The following SORT1 variants were observed in gnomAD, a reference collection of about 807,000 sequenced individuals.
SORT1 encodes the protein sortilin 1, also known as sortilin.
In SORT1, 39 loss-of-function variants were observed where a neutral mutation model predicts 101.7. That is an observed-to-expected ratio of 0.38 (90% CI 0.30 to 0.50). The LOEUF is 0.50. Among genes scored for constraint, SORT1 ranks in the 20% least tolerant of loss-of-function variants. The pLI is 0.90. For synonymous variants in SORT1, 396 were observed against 393.7 expected (o/e 1.01, Z -0.07); for missense variants, 878 against 1,040.4 (o/e 0.84, Z 2.15).
chr1:109,327,076 T>A lies in SORT1; in HGVS notation c.1559A>T (p.Glu520Val). 1 of 1,613,236 alleles carries A rather than the reference T, an allele frequency of 6.2e-7. No homozygotes were observed. The change falls in exon 13 of 20, where the codon GAA (glutamate) becomes GTA (valine). Residue 520 changes from glutamate to valine, a missense_variant. By Grantham distance (121) the Glu-to-Val change is moderately radical. Around this residue, in one of 2 missense-constraint regions of SORT1, gnomAD observed 684 missense variants for 894.5 expected, o/e 0.76. Coordinates refer to ENST00000256637, the MANE Select transcript of SORT1 (RefSeq NM_002959.7). ...CAGGATGGTGTAATAGTGGGGTCCT[T>A]CCAGCATCTTTGTCCAGGAGTAACC... is the stretch of plus-strand genomic sequence containing the variant. Reference protein sequence around the residue: ...DGGYSWTKMLEGPHYYTILDS... With the variant: ...DGGYSWTKMLVGPHYYTILDS...
intron 7 of SORT1, among the ~76,000 whole-genome samples, 187 bp from the exon 8 acceptor site, chr1:109,346,068 T>C (rs1343664186): frequency 6.6e-6 from 1 of 151,942 alleles, no homozygotes; most frequent in Non-Finnish European, 1.5e-5. Flanking sequence ...TCCCAGCACT[T>C]TGGGAGGCTG....
chr1:109,337,391 C>A (rs994487054), intron 10 of SORT1, among the ~76,000 whole-genome samples: 2 of 151,760 alleles, frequency 1.3e-5, no homozygotes, highest in East Asian at 2.0e-4. Flanking sequence ...GGATTACAGG[C>A]ACCTGCCGCC....
intron 10 of SORT1, among the ~76,000 whole-genome samples, chr1:109,340,477 G>T (rs1014576647): frequency 3.9e-5 from 6 of 152,118 alleles, no homozygotes; most frequent in Admixed American, 1.3e-4. Flanking sequence ...TCTGGAAATA[G>T]GGGTGATGGT....
At position 109,364,818 on chromosome 1, in the gene SORT1, C is replaced by G. The variant is rs1040280698; in HGVS notation, c.440+2590G>C. 2.0e-5 allele frequency among the ~76,000 whole-genome samples: 3 copies of G among 152,216 alleles called. No homozygotes were observed. The East Asian group carries it at 5.8e-4, about 29-fold the overall frequency. On this transcript the variant is annotated intron_variant, in intron 3 of 19. Coordinates refer to ENST00000256637, the MANE Select transcript of SORT1 (RefSeq NM_002959.7). ...TGATCATTGGCATGGCAGCAACTAACAGCACCAAGCTATTACTCCATGCCA... is the reference window on the plus strand; with the variant it reads ...TGATCATTGGCATGGCAGCAACTAAGAGCACCAAGCTATTACTCCATGCCA...
intron 1 of SORT1, 133 bp from the exon 2 acceptor site, chr1:109,369,722 G>A (rs1430534058): frequency 1.5e-6 from 1 of 656,332 alleles, no homozygotes; most frequent in Non-Finnish European, 2.8e-6. Flanking sequence ...TGGATTCCCA[G>A]TACAAAATTT....
At chr1:109,392,394 C>CA (rs1652968406) in intron 1 of SORT1, among the ~76,000 whole-genome samples, 1 of 152,156 alleles carries the variant, frequency 6.6e-6, no homozygotes, top group Admixed American at 6.6e-5. Flanking sequence ...GTGACCCTGA[C>CA]ATGAAAGATC....
At chr1:109,329,427 G>C (rs1648302578) in intron 11 of SORT1, among the ~76,000 whole-genome samples, 1 of 152,146 alleles carries the variant, frequency 6.6e-6, no homozygotes, top group African/African-American at 2.4e-5. Context: ...CTAATTTTTT[G>C]TATTTTTAGT....
chr1:109,393,168 A>G, intron 1 of SORT1: 1 of 985,408 alleles, frequency 1.0e-6, no homozygotes, highest in Non-Finnish European at 1.2e-6. Flanking sequence ...GCAAACAAAC[A>G]CACGCATTCT....
intron 1 of SORT1, among the ~76,000 whole-genome samples, chr1:109,372,382 T>TG (rs1380278858): frequency 1.3e-5 from 2 of 152,236 alleles, no homozygotes; most frequent in African/African-American, 4.8e-5. Context: ...CACAGCATAG[T>TG]GCACAGTGGG....
chr1:109,390,235 A>G (rs1439868247), intron 1 of SORT1, among the ~76,000 whole-genome samples: 1 of 152,220 alleles, frequency 6.6e-6, no homozygotes, highest in South Asian at 2.1e-4. Flanking sequence ...CCAAACTCCC[A>G]GTGAAACATC....
intron 9 of SORT1, among the ~76,000 whole-genome samples, 158 bp downstream of exon 9, chr1:109,341,856 A>AT (rs1381495103): frequency 6.6e-6 from 1 of 152,210 alleles, no homozygotes; most frequent in Non-Finnish European, 1.5e-5. Context: ...AACAAGTGGC[A>AT]TTTTTAACAG....
intron 1 of SORT1, among the ~76,000 whole-genome samples, chr1:109,375,026 G>A (rs894074555): frequency 6.6e-6 from 1 of 152,208 alleles, no homozygotes; most frequent in Admixed American, 6.5e-5. Flanking sequence ...TAGAAGAGGT[G>A]AGTGTGAACC....
At chr1:109,315,338 G>C (rs1237680879) in intron 17 of SORT1, among the ~76,000 whole-genome samples, 2 of 152,086 alleles carry the variant, frequency 1.3e-5, no homozygotes, top group Admixed American at 6.5e-5. Context: ...TGTTTTCAAT[G>C]TATCCCAGAG....
intron 3 of SORT1, among the ~76,000 whole-genome samples, chr1:109,365,406 T>C (rs967538305): frequency 1.3e-5 from 2 of 152,104 alleles, no homozygotes; most frequent in Non-Finnish European, 2.9e-5. Context: ...GAGGAGGGAA[T>C]TTATAATAGC....
chr1:109,327,518 T>A lies in SORT1; in HGVS notation c.1455A>T (p.Val485=). 6.2e-7 allele frequency: 1 copy of A among 1,604,766 alleles called. No homozygotes were observed. Residue 485 remains valine, a synonymous_variant, in exon 12 of 20, where the codon GTA becomes GTT. Coordinates refer to ENST00000256637, the MANE Select transcript of SORT1 (RefSeq NM_002959.7). ...CCTTACCATGAGCAATGACAATGCC[T>A]ACGGCATTCGGCTCTGAGAGTGGGG... is the stretch of plus-strand genomic sequence containing the variant. ...PMAPLSEPNA[V]GIVIAHGSVG...
chr1:109,317,985 A>T lies in SORT1; in HGVS notation c.2025-16T>A. 6.6e-7 allele frequency: 1 copy of T among 1,520,692 alleles called. No individual in the cohort carries two copies. Among genetic ancestry groups the T allele is most frequent in the Non-Finnish European group, 9.1e-7 (1 of 1,095,102 alleles). 94.2% of individuals were successfully genotyped at this position (1,520,692 alleles called of 1,614,324 possible). A position where few individuals can be genotyped will look rare whatever the true frequency, so the allele number is the denominator to read the frequency against. ...GCCAAAATCACTGCAAGAGTCAGCA[A>T]ATAAAGTACCTTTCAAAGCAGCTGG... is the stretch of plus-strand genomic sequence containing the variant. On this transcript the variant is annotated splice_polypyrimidine_tract_variant and intron_variant, in intron 15 of 19. Coordinates refer to ENST00000256637, the MANE Select transcript of SORT1 (RefSeq NM_002959.7).
rs765501897 is a variant in SORT1, at chr1:109,327,521, G to A, written c.1452C>T (p.Ala484=). ...TACCATGAGCAATGACAATGCCTAC[G>A]GCATTCGGCTCTGAGAGTGGGGCCA... The part of the protein sequence containing the change: ...VPMAPLSEPN[A]VGIVIAHGSV... Residue 484 remains alanine (A), a synonymous_variant, in exon 12 of 20, where the codon GCC becomes GCT. Coordinates refer to ENST00000256637, the MANE Select transcript of SORT1 (RefSeq NM_002959.7). 1.2e-6 allele frequency: 2 copies of A among 1,609,030 alleles called. No individual in the cohort carries two copies. Among genetic ancestry groups the A allele is most frequent in the Admixed American group, 3.4e-5 (2 of 58,914 alleles).
intron 1 of SORT1, 37 bp downstream of exon 1, chr1:109,397,550 C>G (rs960813130): frequency 7.9e-6 from 9 of 1,134,266 alleles, no homozygotes; most frequent in African/African-American, 1.7e-5. Context: ...GGCGGCACCT[C>G]GCACCCGAGC....
At chr1:109,337,367 C>G (rs1450627763) in intron 10 of SORT1, among the ~76,000 whole-genome samples, 1 of 151,640 alleles carries the variant, frequency 6.6e-6, no homozygotes, top group East Asian at 1.9e-4. Context: ...CTGCCTCAAC[C>G]TCTGGAGTAG....
Sources: gnomAD v4.1 joint callset for allele counts (sites outside exome capture counted in the v4.1 genomes callset) on GRCh38, gnomAD v4.1.1 for gene constraint, gnomAD v4.1.1 regional missense constraint, MANE v1.5 for transcripts, NCBI Gene and HGNC (gene_info 2026-07-23, HGNC 2026-07-21) for gene names.